The following ABHD2 variants were observed in gnomAD, a reference collection of about 807,000 sequenced individuals.
ABHD2 encodes the protein abhydrolase domain containing 2, acylglycerol lipase.
A neutral mutation model predicts 48.1 loss-of-function variants in ABHD2; 20 were observed. That is an observed-to-expected ratio of 0.42 (90% CI 0.29 to 0.60). The LOEUF (loss-of-function observed/expected upper bound fraction) is 0.60, where lower values mean the gene tolerates loss of function less well. Ranked by LOEUF, ABHD2 falls within the 20% of genes least tolerant of loss-of-function variation. The pLI is 0.24. For missense variants in ABHD2, 405 were observed against 550.9 expected (o/e 0.74, Z 2.65); for synonymous variants, 209 against 214.2 (o/e 0.98, Z 0.21).
At chr15:89,149,685 T>G (rs1229151520) in intron 3 of ABHD2, among the ~76,000 whole-genome samples, 2 of 152,152 alleles carry the variant, frequency 1.3e-5, no homozygotes, top group Non-Finnish European at 2.9e-5. Flanking sequence ...AGCATTCCAG[T>G]CAAAGGAGAC....
chr15:89,082,150 C>T, the ABHD2 span, among the ~76,000 whole-genome samples: 1 of 152,060 alleles, frequency 6.6e-6, no homozygotes, highest in South Asian at 2.1e-4. The surrounding 1 kb of genome is among the most constrained non-coding windows in gnomAD (Gnocchi z 4.4). Flanking sequence ...GAAACTGCCC[C>T]CAGTTGAGAA....
Position 89,201,631 on chromosome 15 carries a change from G to C in ABHD2, c.*6208G>C. ...CCACTGTTGGGCCTCACACAGTACC[G>C]GTGAGGCACGGTAGTCTTCACTTTG... On this transcript the variant is annotated 3_prime_UTR_variant, in exon 11 of 11. Transcript: ENST00000352732. The C allele has an allele frequency of 1.9e-6, 3 of 1,592,662 alleles. No homozygotes were observed. Among genetic ancestry groups the C allele is most frequent in the East Asian group, 2.2e-5 (1 of 44,796 alleles).
chr15:89,152,470 C>G (rs1260011637), intron 4 of ABHD2, among the ~76,000 whole-genome samples: 1 of 152,134 alleles, frequency 6.6e-6, no homozygotes, highest in Middle Eastern at 3.2e-3. Context: ...AGGACCAGGC[C>G]TCTGGGTTGA....
At chr15:89,088,261 A>T (rs1283772775), upstream of ABHD2, 2 of 152,426 alleles carry the variant, frequency 1.3e-5, no homozygotes, top group Non-Finnish European at 2.9e-5. The surrounding 1 kb of genome is among the most constrained non-coding windows in gnomAD (Gnocchi z 6.8). Context: ...CTCCCCTAAG[A>T]ATCCCGCCTC....
Position 89,116,779 on chromosome 15 carries a change from ATAG to A in ABHD2, c.194+263_194+265del, listed in dbSNP as rs138070678. Among the ~76,000 whole-genome samples, 1,323 of 152,320 alleles carry A rather than the reference ATAG, an allele frequency of 8.7e-3. 20 individuals carry two copies. Among genetic ancestry groups the A allele is most frequent in the African/African-American group, 0.03 (1,257 of 41,564 alleles). On this transcript the variant is annotated intron_variant, in intron 3 of 10. Coordinates refer to ENST00000352732, the MANE Select transcript of ABHD2 (RefSeq NM_152924.5). The surrounding 1 kb of genome is among the most constrained non-coding windows in gnomAD (Gnocchi z 4.6). ...ATCCATGACAGGGACTTTGCAGAAAATAGTAGTCATTTTTAGGCAGATATGGAA... is the reference window on the plus strand; with the variant it reads ...ATCCATGACAGGGACTTTGCAGAAAATAGTCATTTTTAGGCAGATATGGAA...
intron 1 of ABHD2, chr15:89,090,350 T>G (rs1901545066): frequency 1.3e-5 from 2 of 152,202 alleles, no homozygotes; most frequent in Admixed American, 1.3e-4. Flanking sequence ...ATCTGAAGCA[T>G]TTAGAACAGT....
intron 8 of ABHD2, among the ~76,000 whole-genome samples, chr15:89,190,747 C>T (rs1196916302): frequency 1.3e-5 from 2 of 152,332 alleles, no homozygotes; most frequent in East Asian, 3.9e-4. Flanking sequence ...TCATTTTATA[C>T]AGGAGAAGCT....
rs191001685 is a variant in ABHD2, at chr15:89,095,394, G to A, written c.-107+6831G>A. On this transcript the variant is annotated intron_variant, in intron 1 of 10. Coordinates refer to ENST00000352732, the MANE Select transcript of ABHD2 (RefSeq NM_152924.5). ...GGTACAGACTACACAATGTTGATAT[G>A]CAATTGTAGCACCTTATAGTGAGGT... 3.3e-3 allele frequency among the ~76,000 whole-genome samples: 507 copies of A among 152,280 alleles called. 2 individuals carry two copies. The highest frequency in any genetic ancestry group is 5.3e-3 in the Non-Finnish European group (362 of 68,018).
the ABHD2 span, among the ~76,000 whole-genome samples, chr15:89,064,757 C>G: frequency 6.6e-6 from 1 of 152,062 alleles, no homozygotes; most frequent in East Asian, 1.9e-4. Flanking sequence ...GCTTAATAGA[C>G]TTTTCAGTGA....
chr15:89,173,893 AG>A lies in ABHD2; in HGVS notation c.539-1917del, dbSNP rs2050968776. 6.6e-6 allele frequency among the ~76,000 whole-genome samples: 1 copy of A among 152,160 alleles called. No individual in the cohort carries two copies. Among genetic ancestry groups the A allele is most frequent in the Admixed American group, 6.5e-5 (1 of 15,278 alleles). On this transcript the variant is annotated intron_variant, in intron 5 of 10. Transcript: ENST00000352732. This position sits in a 1 kb window ranked among gnomAD's most constrained non-coding sequence, Gnocchi z 6.5. Reference sequence around the variant, plus strand: ...TGGTGCCTGGGTCCTGCTGTTTGGGAGGAAGCAGCTCTTGGCCCGGTTTTTC... The same window carrying A: ...TGGTGCCTGGGTCCTGCTGTTTGGGAGAAGCAGCTCTTGGCCCGGTTTTTC...
chr15:89,185,655 A>C lies in ABHD2; in HGVS notation c.815+139A>C. On this transcript the variant is annotated intron_variant, in intron 7 of 10. Coordinates refer to ENST00000352732, the MANE Select transcript of ABHD2 (RefSeq NM_152924.5). The surrounding 1 kb of genome is among the most constrained non-coding windows in gnomAD (Gnocchi z 5.9). ...GTGGTACAGACTCTCTGCTGCCTGCATTTGTGACTTGATTAGAAACAAACT... is the reference window on the plus strand; with the variant it reads ...GTGGTACAGACTCTCTGCTGCCTGCCTTTGTGACTTGATTAGAAACAAACT... The C allele has an allele frequency of 1.3e-6, 1 of 774,788 alleles. No homozygotes were observed. The highest frequency in any genetic ancestry group is 2.1e-6 in the Non-Finnish European group (1 of 475,230). 48.0% of individuals were successfully genotyped at this position (774,788 alleles called of 1,614,324 possible).
intron 5 of ABHD2, among the ~76,000 whole-genome samples, chr15:89,159,668 G>A (rs1446617054): frequency 1.3e-5 from 2 of 152,200 alleles, no homozygotes; most frequent in African/African-American, 2.4e-5. Context: ...TGTTTGGACT[G>A]AGGAGCTGCC....
Position 89,151,933 on chromosome 15 carries a change from C to G in ABHD2, c.370+81C>G, listed in dbSNP as rs918228627. The stretch of plus-strand genomic sequence containing the variant: ...AGTGGAGAGCACAGCAGTGTGAATA[C>G]TTGTGCCACTGACTCTGCCCATGGC... On this transcript the variant is annotated intron_variant, in intron 4 of 10. Transcript: ENST00000352732. This position sits in a 1 kb window ranked among gnomAD's most constrained non-coding sequence, Gnocchi z 4.7. 1 of 1,512,832 alleles carries G rather than the reference C, an allele frequency of 6.6e-7. No homozygotes were observed. Among genetic ancestry groups the G allele is most frequent in the Non-Finnish European group, 8.9e-7 (1 of 1,121,264 alleles). The allele number at this position is 1,512,832 out of a possible 1,614,324, so 93.7% of individuals were successfully genotyped here. A position where few individuals can be genotyped will look rare whatever the true frequency, so the allele number is the denominator to read the frequency against.
intron 3 of ABHD2, among the ~76,000 whole-genome samples, chr15:89,119,344 C>T (rs769931062): frequency 3.9e-5 from 6 of 152,126 alleles, no homozygotes; most frequent in African/African-American, 7.2e-5. Flanking sequence ...CTTTATTGCC[C>T]CCCCATCCTT....
In ABHD2 at chr15:89,195,471, G is replaced by T. The variant is rs371808513; in HGVS notation, c.*48G>T. The T allele has an allele frequency of 4.4e-5, 69 of 1,575,710 alleles. No individual in the cohort carries two copies. In the African/African-American group the frequency reaches 6.3e-4, roughly 14 times the overall value. On this transcript the variant is annotated 3_prime_UTR_variant, in exon 11 of 11. Coordinates refer to ENST00000352732, the MANE Select transcript of ABHD2 (RefSeq NM_152924.5). The surrounding 1 kb of genome is among the most constrained non-coding windows in gnomAD (Gnocchi z 5.1). ...CCAGCAGCCCTCCTCTGGAAGCTGC[G>T]TCCCCTCACCCCCTGTTTCAGGTCT... is the stretch of plus-strand genomic sequence containing the variant.
At position 89,189,762 on chromosome 15, in the gene ABHD2, G is replaced by A. The variant is rs938317514; in HGVS notation, c.927-1318G>A. On this transcript the variant is annotated intron_variant, in intron 8 of 10. Coordinates refer to ENST00000352732, the MANE Select transcript of ABHD2 (RefSeq NM_152924.5). This position sits in a 1 kb window ranked among gnomAD's most constrained non-coding sequence, Gnocchi z 4.9. ...TACCCACCCTCACTTCAGATGAAGT[G>A]TGTGACTGTATTGCGGTGTGTGGTA... Among the ~76,000 whole-genome samples the A allele has an allele frequency of 1.3e-5, 2 of 151,992 alleles. No homozygotes were observed. Among genetic ancestry groups the A allele is most frequent in the South Asian group, 2.1e-4 (1 of 4,830 alleles).
the ABHD2 span, among the ~76,000 whole-genome samples, chr15:89,048,533 A>G: frequency 8.5e-5 from 13 of 152,148 alleles, no homozygotes; most frequent in African/African-American, 3.1e-4. Context: ...TTTCAGGTAC[A>G]CCAATCAGAC....
chr15:89,182,437 C>G lies in ABHD2; in HGVS notation c.723-2987C>G, dbSNP rs898488399. On this transcript the variant is annotated intron_variant, in intron 6 of 10. Transcript: ENST00000352732. The surrounding 1 kb of genome is among the most constrained non-coding windows in gnomAD (Gnocchi z 4.8). ...ATCTGGCCCAGCCTGGGGAGCAGTT[C>G]CTGCCACCCCTTCTCTCTTCTGGAG... Among the ~76,000 whole-genome samples, 15 of 152,128 alleles carry G rather than the reference C, an allele frequency of 9.9e-5. No individual in the cohort carries two copies. Among genetic ancestry groups the G allele is most frequent in the African/African-American group, 3.4e-4 (14 of 41,424 alleles).
chr15:89,088,002 G>A (rs187521696), upstream of ABHD2: 1 of 152,326 alleles, frequency 6.6e-6, no homozygotes, highest in Admixed American at 6.5e-5. The surrounding 1 kb of genome is among the most constrained non-coding windows in gnomAD (Gnocchi z 6.8). Flanking sequence ...AGCCCCAGCT[G>A]AGCTACCAGC....
Sources: allele counts gnomAD v4.1 joint callset (sites outside exome capture counted in the v4.1 genomes callset), GRCh38; gene constraint gnomAD v4.1.1; non-coding constraint Gnocchi (gnomAD v3.1); transcripts MANE v1.5; gene names NCBI Gene and HGNC (gene_info 2026-07-23, HGNC 2026-07-21).